Variants in TULP3 observed in about 807,000 individuals in gnomAD.
The protein encoded by TULP3 is tubby-related protein 3.
Under a neutral mutation model 50.7 loss-of-function variants are expected in TULP3, and 38 were observed. The observed-to-expected ratio is 0.75, with a 90% confidence interval of 0.58 to 0.98. The LOEUF (loss-of-function observed/expected upper bound fraction) is 0.98. Ranked by LOEUF, TULP3 falls within the 50% of genes least tolerant of loss-of-function variation. TULP3 has a pLI of 0.00. For synonymous variants in TULP3, 183 were observed against 196.6 expected, an observed-to-expected ratio of 0.93 and a Z score of 0.58; for missense variants, 550 against 568.0, an observed-to-expected ratio of 0.97 and a Z score of 0.32.
Position 2,940,969 on chromosome 12 carries a change from A to T in TULP3, c.*1525A>T, listed in dbSNP as rs2098204487. The stretch of plus-strand genomic sequence containing the variant: ...TATTAATACACGACAGCATGTGGGG[A>T]AGGACTTATGGTGGGCCAGGTGGAC... On this transcript the variant is annotated 3_prime_UTR_variant, in exon 11 of 11. Coordinates refer to ENST00000448120, the MANE Select transcript of TULP3 (RefSeq NM_003324.5). 2.0e-6 allele frequency: 1 copy of T among 490,744 alleles called. No individual in the cohort carries two copies. The highest frequency in any genetic ancestry group is 2.0e-5 in the African/African-American group (1 of 51,120). The allele number at this position is 490,744 out of a possible 1,614,324, so 30.4% of individuals were successfully genotyped here.
intron 1 of TULP3, among the ~76,000 whole-genome samples, chr12:2,900,703 T>C (rs1365453082): frequency 6.6e-6 from 1 of 151,936 alleles, no homozygotes; most frequent in African/African-American, 2.4e-5. Context: ...GATACTTTTT[T>C]TTTTTCTACT....
intron 6 of TULP3, among the ~76,000 whole-genome samples, chr12:2,931,740 G>A (rs1197247350): frequency 6.6e-6 from 1 of 152,108 alleles, no homozygotes; most frequent in Non-Finnish European, 1.5e-5. Flanking sequence ...ATTAATACCA[G>A]GTCTTAACAG....
intron 1 of TULP3, among the ~76,000 whole-genome samples, chr12:2,905,416 C>T (rs1000400787): frequency 6.6e-6 from 1 of 152,018 alleles, no homozygotes; most frequent in African/African-American, 2.4e-5. Context: ...GATCTCTTGA[C>T]CTTGGGATCC....
chr12:2,916,138 T>A (rs562552135), intron 2 of TULP3, among the ~76,000 whole-genome samples: 1 of 152,182 alleles, frequency 6.6e-6, no homozygotes, highest in Non-Finnish European at 1.5e-5. Flanking sequence ...GCCTCCCAAG[T>A]AGCTGGATTT....
chr12:2,930,899 T>C, intron 5 of TULP3, 138 bp from the exon 6 acceptor site: 1 of 927,844 alleles, frequency 1.1e-6, no homozygotes, highest in Non-Finnish European at 1.7e-6. Context: ...TTAATTTAAC[T>C]TTTCAGTTTT....
intron 2 of TULP3, among the ~76,000 whole-genome samples, chr12:2,915,998 C>G (rs1207297015): frequency 4.6e-5 from 7 of 152,092 alleles, no homozygotes. Flanking sequence ...ATTAGTTAAA[C>G]TATCATTAAT....
In TULP3 at chr12:2,938,303, G is replaced by C; in HGVS notation, c.1195+18G>C. The C allele has an allele frequency of 6.2e-7, 1 of 1,611,250 alleles. No homozygotes were observed. Among genetic ancestry groups the C allele is most frequent in the Non-Finnish European group, 8.5e-7 (1 of 1,178,234 alleles). ...AAATGACCGTAAGCCTCCAGGAGGG[G>C]TTGGGTGGGAAGAGGAGGACAGATG... On this transcript the variant is annotated intron_variant, in intron 10 of 10. Transcript: ENST00000448120.
At chr12:2,896,596 T>C (rs2098175707) in intron 1 of TULP3, among the ~76,000 whole-genome samples, 1 of 152,172 alleles carries the variant, frequency 6.6e-6, no homozygotes, top group Non-Finnish European at 1.5e-5. Flanking sequence ...TTTCCTGTGA[T>C]GTGTAGAAAA....
chr12:2,939,916 C>A lies in TULP3; in HGVS notation c.*472C>A. The A allele has an allele frequency of 8.0e-7, 1 of 1,257,362 alleles. No homozygotes were observed. Among genetic ancestry groups the A allele is most frequent in the African/African-American group, 1.5e-5 (1 of 65,140 alleles). 77.9% of individuals were successfully genotyped at this position (1,257,362 alleles called of 1,614,324 possible). A position where few individuals can be genotyped will look rare whatever the true frequency, so the allele number is the denominator to read the frequency against. ...ATTTAAAGCACAGGGAGATTCTTGT[C>A]ACATTGGGGTCTCCAAAGCTAGAAT... On this transcript the variant is annotated 3_prime_UTR_variant, in exon 11 of 11. Transcript: ENST00000448120. The surrounding 1 kb of genome is among the most constrained non-coding windows in gnomAD (Gnocchi z 4.0).
chr12:2,931,902 T>C (rs2098198277), intron 6 of TULP3, among the ~76,000 whole-genome samples: 1 of 152,144 alleles, frequency 6.6e-6, no homozygotes, highest in African/African-American at 2.4e-5. Flanking sequence ...TTAGGTAGGA[T>C]TTCTTACCTC....
Position 2,941,013 on chromosome 12 carries a change from C to T in TULP3, c.*1569C>T, listed in dbSNP as rs902672114. ...GGTGGACCTCATCCTGCTTCTTCCTCCCTCTGGTTTAAAGAGATATATAAA... is the reference window on the plus strand; with the variant it reads ...GGTGGACCTCATCCTGCTTCTTCCTTCCTCTGGTTTAAAGAGATATATAAA... On this transcript the variant is annotated 3_prime_UTR_variant, in exon 11 of 11. Coordinates refer to ENST00000448120, the MANE Select transcript of TULP3 (RefSeq NM_003324.5). 1.8e-5 allele frequency: 7 copies of T among 396,140 alleles called. No individual in the cohort carries two copies. Among genetic ancestry groups the T allele is most frequent in the Middle Eastern group, 1.2e-3 (2 of 1,636 alleles). The allele number at this position is 396,140 out of a possible 1,614,324, so 24.5% of individuals were successfully genotyped here. A position where few individuals can be genotyped will look rare whatever the true frequency, so the allele number is the denominator to read the frequency against.
intron 9 of TULP3, 70 bp downstream of exon 9, chr12:2,937,799 CAAA>C (rs369423699): frequency 1.0e-3 from 727 of 717,750 alleles, no homozygotes; most frequent in South Asian, 2.7e-3. Context: ...GAGATTAATA[CAAA>C]AAAAAAAAAA....
intron 1 of TULP3, among the ~76,000 whole-genome samples, chr12:2,905,018 G>A (rs2098181353): frequency 6.6e-6 from 1 of 151,104 alleles, no homozygotes; most frequent in African/African-American, 2.4e-5. Flanking sequence ...CCGGGAGGTG[G>A]AGGTTGCAGT....
chr12:2,933,334 G>A, intron 6 of TULP3, 84 bp from the exon 7 acceptor site: 2 of 819,732 alleles, frequency 2.4e-6, no homozygotes, highest in South Asian at 3.0e-5. Context: ...AGCACTGGCT[G>A]AATGAATATG....
intron 1 of TULP3, among the ~76,000 whole-genome samples, chr12:2,902,776 T>C (rs539946151): frequency 6.6e-6 from 1 of 152,294 alleles, no homozygotes; most frequent in Admixed American, 6.5e-5. Flanking sequence ...TACTTATCTT[T>C]AGCAAATTTC....
intron 1 of TULP3, among the ~76,000 whole-genome samples, chr12:2,894,300 C>G (rs990022179): frequency 9.4e-4 from 70 of 74,790 alleles, no homozygotes; most frequent in East Asian, 2.3e-3. Context: ...GGGGGCGGGG[C>G]GGGGGGGGGG....
At chr12:2,907,584 G>T (rs1038201284) in intron 1 of TULP3, among the ~76,000 whole-genome samples, 1 of 151,738 alleles carries the variant, frequency 6.6e-6, no homozygotes, top group Non-Finnish European at 1.5e-5. Context: ...GGAGGCGGAG[G>T]TTGCAGTGAG....
At chr12:2,931,719 A>G (rs1168429679) in intron 6 of TULP3, among the ~76,000 whole-genome samples, 2 of 152,164 alleles carry the variant, frequency 1.3e-5, no homozygotes, top group Non-Finnish European at 2.9e-5. Flanking sequence ...ACTTTATTTT[A>G]TTAATTTTGT....
intron 4 of TULP3, among the ~76,000 whole-genome samples, chr12:2,929,891 C>T (rs1262835045): frequency 6.6e-6 from 1 of 152,110 alleles, no homozygotes; most frequent in Non-Finnish European, 1.5e-5. Flanking sequence ...GCCCAGCCTG[C>T]CCTGCCTAAA....
Sources: gnomAD v4.1 joint callset for allele counts (sites outside exome capture counted in the v4.1 genomes callset) on GRCh38, gnomAD v4.1.1 for gene constraint, Gnocchi (gnomAD v3.1) non-coding constraint, MANE v1.5 for transcripts, NCBI Gene and HGNC (gene_info 2026-07-23, HGNC 2026-07-21) for gene names.